PTGIS: variants seen among roughly 807,000 people sequenced by gnomAD.
PTGIS encodes prostacyclin synthase.
In PTGIS, 45 loss-of-function variants were observed where a neutral mutation model predicts 50.3. The observed-to-expected ratio is 0.90, with a 90% CI of 0.70 to 1.15. PTGIS has a LOEUF of 1.15. Among genes scored for constraint, PTGIS ranks in the 50% most tolerant of loss-of-function variants. The pLI is 0.00. For synonymous variants in PTGIS, 260 were observed against 267.7 expected, an observed-to-expected ratio of 0.97 and a Z score of 0.28; for missense variants, 668 against 661.3, an observed-to-expected ratio of 1.01 and a Z score of -0.11.
intron 1 of PTGIS, among the ~76,000 whole-genome samples, chr20:49,558,178 T>G (rs989385897): frequency 7.9e-5 from 12 of 152,168 alleles, no homozygotes; most frequent in Non-Finnish European, 5.9e-5. Context: ...CTCTTGATCC[T>G]AGGAGTTCAA....
At chr20:49,508,199 T>C in intron 9 of PTGIS, 135 bp from the exon 10 acceptor site, 1 of 1,073,992 alleles carries the variant, frequency 9.3e-7, no homozygotes, top group Non-Finnish European at 1.4e-6. Flanking sequence ...AGTGAGGAAG[T>C]AGAAGAAACG....
At chr20:49,539,755 C>T (rs1982178647) in intron 4 of PTGIS, 34 bp from the exon 5 acceptor site, 2 of 1,598,294 alleles carry the variant, frequency 1.3e-6, no homozygotes, top group South Asian at 2.2e-5. Context: ...AGGGGTCCTC[C>T]TGGGACACTC....
chr20:49,520,046 A>G (rs970031368), intron 6 of PTGIS, among the ~76,000 whole-genome samples: 1 of 151,816 alleles, frequency 6.6e-6, no homozygotes, highest in African/African-American at 2.4e-5. Flanking sequence ...TCCTCTGCTC[A>G]GAGCCCTACA....
At chr20:49,562,181 C>T (rs1029723239) in intron 1 of PTGIS, among the ~76,000 whole-genome samples, 5 of 152,200 alleles carry the variant, frequency 3.3e-5, no homozygotes, top group African/African-American at 1.2e-4. Flanking sequence ...GGCCCCCAGT[C>T]ACCCTAAGTG....
At chr20:49,552,353 G>A (rs1982530318) in intron 1 of PTGIS, among the ~76,000 whole-genome samples, 3 of 152,102 alleles carry the variant, frequency 2.0e-5, no homozygotes, top group African/African-American at 7.2e-5. Flanking sequence ...GAGCTCAGAG[G>A]TCCAGTTAAA....
At chr20:49,515,561 C>T (rs1487507236) in intron 6 of PTGIS, among the ~76,000 whole-genome samples, 1 of 152,048 alleles carries the variant, frequency 6.6e-6, no homozygotes, top group East Asian at 1.9e-4. Context: ...TCATGTTTAC[C>T]CACTAATTTC....
chr20:49,516,046 T>A (rs1397165301), intron 6 of PTGIS, among the ~76,000 whole-genome samples: 1 of 92,372 alleles, frequency 1.1e-5, no homozygotes, highest in South Asian at 3.8e-4. Context: ...CAGCTAGGTT[T>A]TTTTTTTTTT....
At chr20:49,525,451 A>G (rs926968885) in intron 5 of PTGIS, among the ~76,000 whole-genome samples, 5 of 152,200 alleles carry the variant, frequency 3.3e-5, no homozygotes, top group African/African-American at 1.2e-4. Flanking sequence ...ATGTTCTGGA[A>G]ACATACAGCA....
chr20:49,518,403 C>T, intron 6 of PTGIS, among the ~76,000 whole-genome samples: 1 of 151,928 alleles, frequency 6.6e-6, no homozygotes, highest in East Asian at 1.9e-4. Context: ...AAACAAAAGC[C>T]CTAAGTGCAA....
chr20:49,539,612 C>T lies in PTGIS; in HGVS notation c.631G>A (p.Asp211Asn), dbSNP rs143394422. The change falls in exon 5 of 10, where the codon GAC becomes AAC. Residue 211 changes from aspartate (D) to asparagine (N), a missense_variant. Transcript: ENST00000244043. ...ADVFHTFRQL[D>N]RLLPKLARGS... ...CGGGCCAGTTTGGGGAGCAGCCGGTCGAGCTGGCGAAAGGTGTGGAAGACA... is the reference window on the plus strand; with the variant it reads ...CGGGCCAGTTTGGGGAGCAGCCGGTTGAGCTGGCGAAAGGTGTGGAAGACA... The T allele has an allele frequency of 1.9e-4, 312 of 1,614,028 alleles. No homozygotes were observed. The African/African-American group carries it at 3.2e-3, about 16-fold the overall frequency.
chr20:49,548,649 C>T (rs1202372209), intron 2 of PTGIS, among the ~76,000 whole-genome samples: 2 of 149,688 alleles, frequency 1.3e-5, no homozygotes, highest in African/African-American at 2.5e-5. Context: ...TGGGTAAATT[C>T]CAGTGGGTGG....
At chr20:49,523,869 G>T (rs1405049939) in intron 6 of PTGIS, among the ~76,000 whole-genome samples, 189 bp downstream of exon 6, 1 of 152,258 alleles carries the variant, frequency 6.6e-6, no homozygotes, top group Non-Finnish European at 1.5e-5. Flanking sequence ...GGTTTGGGCA[G>T]TGGGTATGTG....
chr20:49,553,759 A>C (rs74425104), intron 1 of PTGIS, among the ~76,000 whole-genome samples: 1 of 152,076 alleles, frequency 6.6e-6, no homozygotes, highest in South Asian at 2.1e-4. Context: ...TATCTTTGGC[A>C]AGAAAGGTTA....
chr20:49,527,466 A>G (rs1981821092), intron 5 of PTGIS, among the ~76,000 whole-genome samples: 1 of 151,994 alleles, frequency 6.6e-6, no homozygotes, highest in African/African-American at 2.4e-5. Flanking sequence ...AATCTCATAT[A>G]ATGAGAATCC....
intron 1 of PTGIS, 75 bp from the exon 2 acceptor site, chr20:49,550,264 A>G: frequency 6.3e-7 from 1 of 1,575,582 alleles, no homozygotes; most frequent in South Asian, 1.1e-5. Context: ...GCAGAGTGTG[A>G]TTTTGAATGG....
Position 49,544,371 on chromosome 20 carries a change from G to A in PTGIS, c.455C>T (p.Ala152Val), listed in dbSNP as rs375122641. 1.2e-6 allele frequency: 2 copies of A among 1,614,138 alleles called. No homozygotes were observed. The change falls in exon 4 of 10, where the codon GCT (alanine) becomes GTT (valine). Residue 152 changes from alanine (A) to valine (V), a missense_variant. Physicochemically the swap from Ala to Val is moderately conservative, Grantham distance 64 (BLOSUM62 0). Coordinates refer to ENST00000244043, the MANE Select transcript of PTGIS (RefSeq NM_000961.4). ...TNLHAVLLGDATEAGSGWHEM... is the reference protein window; with the variant it reads ...TNLHAVLLGDVTEAGSGWHEM... ...GTGCCAGCCACTGCCTGCTTCTGTA[G>A]CATCGCCCAACAGCACTGCATGGAG...
rs187500931 is a variant in PTGIS, at chr20:49,559,745, T to A, written c.74+8298A>T. ...TTCATTTATATGAACTGTCCAGAAT[T>A]GGGAAATCAATAGAGATAGAAAGTA... On this transcript the variant is annotated intron_variant, in intron 1 of 9. Transcript: ENST00000244043. Among the ~76,000 whole-genome samples, 26 of 152,144 alleles carry A rather than the reference T, an allele frequency of 1.7e-4. No homozygotes were observed. The East Asian group carries it at 2.1e-3, about 12-fold the overall frequency.
intron 6 of PTGIS, among the ~76,000 whole-genome samples, chr20:49,516,043 GTT>G (rs10596062): frequency 0.22 from 31,521 of 141,016 alleles, 3,538 homozygotes; most frequent in Middle Eastern, 0.33. Context: ...ACCCAGCTAG[GTT>G]TTTTTTTTTT....
In PTGIS at chr20:49,548,064, C is replaced by T. The variant is rs1389980199; in HGVS notation, c.199-45G>A. 3 of 1,576,688 alleles carry T rather than the reference C, an allele frequency of 1.9e-6. No individual in the cohort carries two copies. In the South Asian group the frequency reaches 3.3e-5, roughly 17 times the overall value. On this transcript the variant is annotated intron_variant, in intron 2 of 9. Coordinates refer to ENST00000244043, the MANE Select transcript of PTGIS (RefSeq NM_000961.4). ...ATAGAGTGAGGAGTGTCACTGTGAA[C>T]AGCAGCCGCTCTCAGTGGTCAGGGC...
Sources: allele counts gnomAD v4.1 joint callset (sites outside exome capture counted in the v4.1 genomes callset), GRCh38; gene constraint gnomAD v4.1.1; transcripts MANE v1.5; gene names NCBI Gene and HGNC (gene_info 2026-07-23, HGNC 2026-07-21).